Variants in WDR20 observed in about 807,000 individuals in gnomAD.
WDR20 encodes the protein WD repeat domain 20.
Under a neutral mutation model 38.7 loss-of-function variants are expected in WDR20, and 3 were observed. The observed-to-expected ratio is 0.08, with a 90% CI of 0.04 to 0.20. The LOEUF (loss-of-function observed/expected upper bound fraction) is 0.20. Among genes scored for constraint, WDR20 ranks in the 10% least tolerant of loss-of-function variants. The pLI is 1.00. For synonymous variants in WDR20, 298 were observed against 285.6 expected, an observed-to-expected ratio of 1.04 and a Z score of -0.44; for missense variants, 559 against 727.7, an observed-to-expected ratio of 0.77 and a Z score of 2.67.
At chr14:102,183,904 ATTT>A (rs1566952509) in intron 1 of WDR20, among the ~76,000 whole-genome samples, 8 of 152,230 alleles carry the variant, frequency 5.3e-5, no homozygotes, top group Non-Finnish European at 2.9e-5. Context: ...ATGCTCTGTA[ATTT>A]ACCAGTGTTG....
intron 1 of WDR20, among the ~76,000 whole-genome samples, chr14:102,155,219 G>A (rs1422430096): frequency 6.6e-6 from 1 of 152,028 alleles, no homozygotes; most frequent in Non-Finnish European, 1.5e-5. Context: ...TGTTTTTTTA[G>A]GATTAGTGAG....
chr14:102,192,198 G>A (rs191525503), intron 1 of WDR20, among the ~76,000 whole-genome samples: 1,684 of 114,998 alleles, frequency 0.015, 35 homozygotes, highest in African/African-American at 0.051. Flanking sequence ...TTTTTTTTTT[G>A]AGACAGAGTC....
intron 1 of WDR20, among the ~76,000 whole-genome samples, chr14:102,161,617 A>G (rs1341972890): frequency 3.3e-5 from 5 of 152,114 alleles, no homozygotes; most frequent in Non-Finnish European, 4.4e-5. Context: ...TTTAAATTTT[A>G]AAGGGGTGTA....
chr14:102,176,298 A>G (rs1307670), intron 1 of WDR20, among the ~76,000 whole-genome samples: 124,512 of 151,932 alleles, frequency 0.82, 51,788 homozygotes, highest in East Asian at 0.97. Flanking sequence ...GGGAGGCTGA[A>G]GCAGGAGAAT....
intron 1 of WDR20, among the ~76,000 whole-genome samples, chr14:102,166,412 C>T (rs1181675320): frequency 6.6e-6 from 1 of 152,010 alleles, no homozygotes; most frequent in Non-Finnish European, 1.5e-5. Context: ...ATGTATATTC[C>T]TTATCTGTTA....
At chr14:102,192,517 C>T (rs2058685228) in intron 1 of WDR20, among the ~76,000 whole-genome samples, 1 of 152,136 alleles carries the variant, frequency 6.6e-6, no homozygotes, top group Non-Finnish European at 1.5e-5. Context: ...ATAATCTCTT[C>T]TCATTTAAAA....
At chr14:102,144,553 G>T (rs750246319) in intron 1 of WDR20, among the ~76,000 whole-genome samples, 2 of 151,534 alleles carry the variant, frequency 1.3e-5, no homozygotes, top group South Asian at 4.2e-4. Flanking sequence ...TGGGCTTATT[G>T]GACCAATCCT....
At position 102,221,341 on chromosome 14, in the gene WDR20, A is replaced by G. The variant is rs181540416; in HGVS notation, c.1693-1489A>G. ...GGAGATTTGTCACTTCCTGGACACC[A>G]CATAGCTTGTGGAAAGCACTTTCTT... is the stretch of plus-strand genomic sequence containing the variant. On this transcript the variant is annotated intron_variant, in intron 3 of 3. Coordinates refer to the WDR20 transcript ENST00000335263. The surrounding 1 kb of genome is among the most constrained non-coding windows in gnomAD (Gnocchi z 4.8). 1.5e-4 allele frequency among the ~76,000 whole-genome samples: 23 copies of G among 152,250 alleles called. No individual in the cohort carries two copies. The highest frequency in any genetic ancestry group is 3.2e-4 in the Non-Finnish European group (22 of 68,046).
intron 1 of WDR20, among the ~76,000 whole-genome samples, chr14:102,185,447 C>A (rs2064410630): frequency 6.6e-6 from 1 of 152,052 alleles, no homozygotes; most frequent in South Asian, 2.1e-4. Context: ...GAACTAGGTG[C>A]CACCTCACAT....
chr14:102,152,837 T>C (rs1484887391), intron 1 of WDR20, among the ~76,000 whole-genome samples: 1 of 152,206 alleles, frequency 6.6e-6, no homozygotes, highest in Non-Finnish European at 1.5e-5. Flanking sequence ...ATAAAACTAA[T>C]AAGCCATTGT....
At chr14:102,190,408 A>AAAAC (rs369664791) in intron 1 of WDR20, among the ~76,000 whole-genome samples, 4 of 151,890 alleles carry the variant, frequency 2.6e-5, no homozygotes, top group African/African-American at 4.8e-5. Flanking sequence ...AAAAATACCA[A>AAAAC]AAACAAACAA....
At chr14:102,215,101 C>T, downstream of WDR20, 1 of 620,640 alleles carries the variant, frequency 1.6e-6, no homozygotes, top group Non-Finnish European at 2.0e-6. Context: ...AAATTAAGGA[C>T]CTTGTTAATG....
chr14:102,208,518 C>T lies in WDR20; in HGVS notation c.433-85C>T, dbSNP rs537544042. ...CCTGGATAGACTTGCCCCTTCCCAT[C>T]GAGAAGCACACAAGTTTTCTTGCTG... On this transcript the variant is annotated intron_variant, in intron 2 of 2. Coordinates refer to ENST00000342702, the MANE Select transcript of WDR20 (RefSeq NM_144574.4). The surrounding 1 kb of genome is among the most constrained non-coding windows in gnomAD (Gnocchi z 5.6). 533 of 1,492,032 alleles carry T rather than the reference C, an allele frequency of 3.6e-4. 1 individual carries two copies. The highest frequency in any genetic ancestry group is 2.7e-3 in the Middle Eastern group (13 of 4,738). 92.4% of individuals were successfully genotyped at this position (1,492,032 alleles called of 1,614,324 possible).
intron 1 of WDR20, among the ~76,000 whole-genome samples, chr14:102,158,080 A>G (rs2057838876): frequency 6.6e-6 from 1 of 152,006 alleles, no homozygotes; most frequent in Admixed American, 6.5e-5. Flanking sequence ...GTTCCAGTGC[A>G]GTGAGCAATC....
chr14:102,189,281 A>G (rs774478008), intron 1 of WDR20, among the ~76,000 whole-genome samples: 1 of 152,162 alleles, frequency 6.6e-6, no homozygotes, highest in Non-Finnish European at 1.5e-5. Context: ...AAAAATGTTT[A>G]CTTACTGATC....
In WDR20 at chr14:102,220,387, A is replaced by G. The variant is rs1208534828; in HGVS notation, c.1693-2443A>G. Among the ~76,000 whole-genome samples, 3 of 152,358 alleles carry G rather than the reference A, an allele frequency of 2.0e-5. No individual in the cohort carries two copies. The highest frequency in any genetic ancestry group is 7.2e-5 in the African/African-American group (3 of 41,576). ...GCTTCTTACCAAAAAAGTCATTAGT[A>G]ATTTTTATATTGCTGAATATTATAT... On this transcript the variant is annotated intron_variant, in intron 3 of 3. Coordinates refer to the WDR20 transcript ENST00000335263. This position sits in a 1 kb window ranked among gnomAD's most constrained non-coding sequence, Gnocchi z 4.2.
intron 1 of WDR20, among the ~76,000 whole-genome samples, chr14:102,183,401 G>A (rs559961626): frequency 1.3e-5 from 2 of 152,334 alleles, no homozygotes; most frequent in African/African-American, 2.4e-5. Context: ...TATGTTTAAT[G>A]TTCTCTCACT....
At chr14:102,147,808 G>A (rs1349877761) in intron 1 of WDR20, among the ~76,000 whole-genome samples, 1 of 152,164 alleles carries the variant, frequency 6.6e-6, no homozygotes, top group Non-Finnish European at 1.5e-5. Context: ...TTGGTTCACT[G>A]CAACCTCTGC....
rs113002420 is a variant in WDR20, at chr14:102,191,855, T to C, written c.250-3083T>C. On this transcript the variant is annotated intron_variant, in intron 1 of 2. Coordinates refer to ENST00000342702, the MANE Select transcript of WDR20 (RefSeq NM_144574.4). ...CTAGACAGTGCCACTCACACTAGTG[T>C]TGACAGATCAACTTTAAAAAAATTT... Among the ~76,000 whole-genome samples, 129 of 152,314 alleles carry C rather than the reference T, an allele frequency of 8.5e-4. 1 individual carries two copies. The highest frequency in any genetic ancestry group is 3.4e-3 in the Middle Eastern group (1 of 294).
Sources: allele counts gnomAD v4.1 joint callset (sites outside exome capture counted in the v4.1 genomes callset), GRCh38; gene constraint gnomAD v4.1.1; non-coding constraint Gnocchi (gnomAD v3.1); transcripts MANE v1.5; gene names NCBI Gene and HGNC (gene_info 2026-07-23, HGNC 2026-07-21).